Variants in ANK3 observed in about 807,000 individuals in gnomAD.
ANK3 encodes ankyrin-3.
Under a neutral mutation model 370.9 loss-of-function variants are expected in ANK3, and 57 were observed. The ratio of observed to expected loss-of-function variants is 0.15; its 90% CI spans 0.12 to 0.19. The LOEUF (loss-of-function observed/expected upper bound fraction) is 0.19, where lower values mean the gene tolerates loss of function less well. Among genes scored for constraint, ANK3 ranks in the 10% least tolerant of loss-of-function variants. The probability of loss-of-function intolerance (pLI) is 1.00; values close to 1 mark genes in which losing one functional copy is unlikely to be tolerated. For missense variants in ANK3, 4,439 were observed against 5,302.1 expected (o/e 0.84, Z 5.06); for synonymous variants, 1,929 against 1,946.3 (o/e 0.99, Z 0.23).
intron 41 of ANK3, among the ~76,000 whole-genome samples, chr10:60,056,339 C>T (rs1194523557): frequency 1.3e-5 from 2 of 152,072 alleles, no homozygotes; most frequent in African/African-American, 2.4e-5. Context: ...CGTGATGGCA[C>T]GTGCCTGTAA....
rs149476299 is a variant in ANK3, at chr10:60,557,344, T to C, written c.96+57842A>G. 1.6e-3 allele frequency among the ~76,000 whole-genome samples: 246 copies of C among 152,260 alleles called. 1 individual carries two copies. Among genetic ancestry groups the C allele is most frequent in the Non-Finnish European group, 3.0e-3 (202 of 68,018 alleles). On this transcript the variant is annotated intron_variant, in intron 2 of 43. Transcript: ENST00000373827. ...GCACTAATAAATGTGACAACATGGA[T>C]GAACATTAAAAACATGCCAAGTGAA...
chr10:60,270,618 A>C (rs1468097346), intron 4 of ANK3, among the ~76,000 whole-genome samples: 1 of 152,210 alleles, frequency 6.6e-6, no homozygotes, highest in Non-Finnish European at 1.5e-5. Context: ...AAACACATTT[A>C]GTCACTGTAG....
rs747014545 is a variant in ANK3, at chr10:60,208,153, G to A, written c.1077C>T (p.Pro359=). 33 of 1,614,084 alleles carry A rather than the reference G, an allele frequency of 2.0e-5. No individual in the cohort carries two copies. In the East Asian group the frequency reaches 3.3e-4, roughly 16 times the overall value. The part of the protein sequence containing the change: ...CVQLLLQHNV[P]VDDVTNDYLT... Reference sequence around the variant, plus strand: ...GGTAGTCATTGGTGACATCATCCACGGGTACATTATGCTGGAGGAGAAGCT... The same window carrying A: ...GGTAGTCATTGGTGACATCATCCACAGGTACATTATGCTGGAGGAGAAGCT... Residue 359 remains proline, a synonymous_variant, in exon 10 of 44, where the codon CCC becomes CCT. Coordinates refer to ENST00000280772, the MANE Select transcript of ANK3 (RefSeq NM_020987.5).
chr10:60,453,882 T>C (rs2064676146), intron 2 of ANK3, among the ~76,000 whole-genome samples: 1 of 152,204 alleles, frequency 6.6e-6, no homozygotes, highest in East Asian at 1.9e-4. Context: ...AACTCCCATA[T>C]GACTTACTAA....
intron 2 of ANK3, among the ~76,000 whole-genome samples, chr10:60,474,867 T>A (rs554891180): frequency 6.6e-6 from 1 of 152,166 alleles, no homozygotes; most frequent in Non-Finnish European, 1.5e-5. Context: ...TATTTCTAAG[T>A]AGTGGGAATG....
intron 2 of ANK3, among the ~76,000 whole-genome samples, chr10:60,502,319 T>C (rs1039980938): frequency 1.3e-5 from 2 of 152,156 alleles, no homozygotes; most frequent in African/African-American, 4.8e-5. Context: ...ATAAGCCCCT[T>C]GATTGAAAAC....
chr10:60,107,128 T>C (rs1160074035), intron 27 of ANK3, among the ~76,000 whole-genome samples: 2 of 152,184 alleles, frequency 1.3e-5, no homozygotes, highest in Non-Finnish European at 2.9e-5. Flanking sequence ...ATGATAAATA[T>C]GGTCATTTTG....
intron 1 of ANK3, among the ~76,000 whole-genome samples, chr10:60,292,681 A>G (rs1322826930): frequency 6.6e-6 from 1 of 151,358 alleles, no homozygotes; most frequent in Non-Finnish European, 1.5e-5. Flanking sequence ...AACAAAAAAA[A>G]CATAAAGCCA....
intron 23 of ANK3, chr10:60,145,962 A>T (rs2094801689): frequency 2.5e-6 from 2 of 815,088 alleles, no homozygotes; most frequent in Non-Finnish European, 4.1e-6. Context: ...GAGGAGGGAG[A>T]CTTACTTTTC....
At chr10:60,378,717 G>C (rs1473918832) in intron 1 of ANK3, among the ~76,000 whole-genome samples, 1 of 151,976 alleles carries the variant, frequency 6.6e-6, no homozygotes, top group African/African-American at 2.4e-5. Flanking sequence ...AGGAATCAGA[G>C]ACCCAAATAT....
chr10:60,679,489 C>T (rs1331413976), intron 1 of ANK3, among the ~76,000 whole-genome samples: 3 of 152,160 alleles, frequency 2.0e-5, no homozygotes, highest in Non-Finnish European at 4.4e-5. Context: ...CAAGCATGCA[C>T]ACTAGGAGGC....
At chr10:60,476,552 A>C (rs1388636829) in intron 2 of ANK3, among the ~76,000 whole-genome samples, 1 of 152,218 alleles carries the variant, frequency 6.6e-6, no homozygotes, top group Non-Finnish European at 1.5e-5. Context: ...TACATTATGC[A>C]ATGCCAAAAA....
intron 42 of ANK3, among the ~76,000 whole-genome samples, chr10:60,054,952 A>G (rs562044140): frequency 2.4e-4 from 36 of 152,248 alleles, no homozygotes; most frequent in Non-Finnish European, 4.8e-4. Flanking sequence ...ATATCTAAAA[A>G]TAGAGTAAAC....
In ANK3 at chr10:60,145,867, C is replaced by T. The variant is rs546441605; in HGVS notation, c.2615-6780G>A. 41 of 674,006 alleles carry T rather than the reference C, an allele frequency of 6.1e-5. 2 individuals carry two copies. In the South Asian group the frequency reaches 6.3e-4, roughly 10 times the overall value. The allele number at this position is 674,006 out of a possible 1,614,324, so 41.8% of individuals were successfully genotyped here. On this transcript the variant is annotated intron_variant, in intron 23 of 43. Transcript: ENST00000280772. ...TATCATTGCCCAGAACAGAACCTGG[C>T]ACATAGTAGGTGCTCAATAAATGTG...
chr10:60,583,504 G>GTTTTTT (rs1567163686), intron 2 of ANK3, among the ~76,000 whole-genome samples: 3 of 131,948 alleles, frequency 2.3e-5, no homozygotes, highest in African/African-American at 5.6e-5. Context: ...TTACAGAGAG[G>GTTTTTT]TTTTTTGTTT....
intron 1 of ANK3, among the ~76,000 whole-genome samples, chr10:60,721,826 T>A (rs923668997): frequency 2.6e-5 from 4 of 152,200 alleles, no homozygotes; most frequent in Admixed American, 2.6e-4. Flanking sequence ...TTCTGCAAAA[T>A]AGCATGTACT....
chr10:60,720,063 AGAG>A (rs1400652612), intron 1 of ANK3, among the ~76,000 whole-genome samples: 4 of 152,214 alleles, frequency 2.6e-5, no homozygotes, highest in African/African-American at 9.6e-5. Context: ...GGATGAGAGA[AGAG>A]GAGGAAGTTT....
intron 2 of ANK3, among the ~76,000 whole-genome samples, chr10:60,537,564 T>C (rs2076752419): frequency 6.6e-6 from 1 of 151,966 alleles, no homozygotes; most frequent in African/African-American, 2.4e-5. Context: ...TGCAATATTA[T>C]ATTCACAGTA....
intron 1 of ANK3, among the ~76,000 whole-genome samples, chr10:60,621,985 C>A (rs2078343603): frequency 6.6e-6 from 1 of 152,200 alleles, no homozygotes; most frequent in South Asian, 2.1e-4. Flanking sequence ...GTGAAGAGTG[C>A]AAGTTCTAGA....
Sources: gnomAD v4.1 joint callset for allele counts (sites outside exome capture counted in the v4.1 genomes callset) on GRCh38, gnomAD v4.1.1 for gene constraint, MANE v1.5 for transcripts, NCBI Gene and HGNC (gene_info 2026-07-23, HGNC 2026-07-21) for gene names.